OR3A1: variants seen among roughly 807,000 people sequenced by gnomAD.
OR3A1 encodes olfactory receptor 3A1.
For missense variants in OR3A1, 402 were observed against 393.8 expected (o/e 1.02, Z -0.18); for synonymous variants, 145 against 160.0 (o/e 0.91, Z 0.71).
intron 1 of OR3A1, among the ~76,000 whole-genome samples, chr17:3,293,675 A>G (rs1435386991): frequency 6.6e-6 from 1 of 152,186 alleles, no homozygotes; most frequent in South Asian, 2.1e-4. Flanking sequence ...ACATATGAAA[A>G]CTGTTACCTG....
Position 3,291,945 on chromosome 17 carries a change from G to A in OR3A1, c.638C>T (p.Pro213Leu). 6.2e-6 allele frequency: 10 copies of A among 1,614,204 alleles called. No individual in the cohort carries two copies. Among genetic ancestry groups the A allele is most frequent in the East Asian group, 2.2e-5 (1 of 44,888 alleles). ...FAVGFIMAGTPMALIVISYIH... is the reference protein window; with the variant it reads ...FAVGFIMAGTLMALIVISYIH... The stretch of plus-strand genomic sequence containing the variant: ...ATAGGAGATGACAATGAGAGCCATG[G>A]GGGTACCTGCCATTATAAAACCCAC... Residue 213 changes from proline (P) to leucine (L), a missense_variant, in exon 2 of 2, where the codon CCC becomes CTC. By Grantham distance (98) the Pro-to-Leu change is moderately conservative. Coordinates refer to ENST00000323404, the MANE Select transcript of OR3A1 (RefSeq NM_002550.3).
rs1205405808 is a variant in OR3A1 at position 3,298,321 on chromosome 17, G to A, written c.-45C>T. On this transcript the variant is annotated 5_prime_UTR_variant, in exon 1 of 2. Coordinates refer to ENST00000323404, the MANE Select transcript of OR3A1 (RefSeq NM_002550.3). Reference sequence around the variant, plus strand: ...CTCAGGCATCCAGCTTGAGGCTCAGGCTGCCCTTATTGAGTGATCCTGGAT... The same window carrying A: ...CTCAGGCATCCAGCTTGAGGCTCAGACTGCCCTTATTGAGTGATCCTGGAT... The A allele has an allele frequency of 6.6e-6, 1 of 152,162 alleles. No homozygotes were observed. The highest frequency in any genetic ancestry group is 1.5e-5 in the Non-Finnish European group (1 of 68,056). 9.4% of individuals were successfully genotyped at this position (152,162 alleles called of 1,614,324 possible). A position where few individuals can be genotyped will look rare whatever the true frequency, so the allele number is the denominator to read the frequency against.
intron 1 of OR3A1, among the ~76,000 whole-genome samples, chr17:3,297,338 C>T (rs1384554088): frequency 1.3e-5 from 2 of 152,094 alleles, no homozygotes; most frequent in East Asian, 1.9e-4. Flanking sequence ...ATTAAACTAC[C>T]TCTCATTTGC....
At chr17:3,297,085 T>C (rs9892057) in intron 1 of OR3A1, among the ~76,000 whole-genome samples, 2,135 of 152,268 alleles carry the variant, frequency 0.014, 34 homozygotes, top group African/African-American at 0.048. Context: ...GCAGCAGTTA[T>C]GGACACCAGG....
intron 1 of OR3A1, among the ~76,000 whole-genome samples, chr17:3,293,145 A>G (rs1206235697): frequency 7.8e-6 from 1 of 128,502 alleles, no homozygotes; most frequent in Non-Finnish European, 1.7e-5. Flanking sequence ...AAATGAGTAT[A>G]ATTCTCTTAA....
At position 3,292,413 on chromosome 17, in the gene OR3A1, T is replaced by C; in HGVS notation, c.170A>G (p.Lys57Arg). ...SILAAVLVEP[K>R]LHTPMYFFLG... ...GAAGAAGTACATGGGGGTGTGGAGT[T>C]TGGGCTCCACCAAGACAGCTGCCAG... The change falls in exon 2 of 2, where the codon AAA becomes AGA. Residue 57 changes from lysine to arginine, a missense_variant. Transcript: ENST00000323404. 1 of 1,613,656 alleles carries C rather than the reference T, an allele frequency of 6.2e-7. No homozygotes were observed. Among genetic ancestry groups the C allele is most frequent in the Non-Finnish European group, 8.5e-7 (1 of 1,179,902 alleles).
rs775821162 is a variant in OR3A1 at position 3,291,695 on chromosome 17, T to G, written c.888A>C (p.Arg296Ser). ...PMLNPIIYSF[R>S]NPDVQSAIWR... Reference sequence around the variant, plus strand: ...AGATGGCACTCTGCACATCAGGGTTTCTGAAGCTGTAGATGATTGGGTTCA... The same window carrying G: ...AGATGGCACTCTGCACATCAGGGTTGCTGAAGCTGTAGATGATTGGGTTCA... The change falls in exon 2 of 2, where the codon AGA becomes AGC. Residue 296 changes from arginine to serine, a missense_variant. By Grantham distance (110) the Arg-to-Ser change is moderately radical. Transcript: ENST00000323404. 1.2e-6 allele frequency: 2 copies of G among 1,611,448 alleles called. No homozygotes were observed. The highest frequency in any genetic ancestry group is 2.2e-5 in the South Asian group (2 of 91,030).
chr17:3,297,653 G>A (rs918274822), intron 1 of OR3A1, among the ~76,000 whole-genome samples: 1 of 149,100 alleles, frequency 6.7e-6, no homozygotes, highest in Non-Finnish European at 1.5e-5. Context: ...ATTGTGGCTT[G>A]CCAACAGATT....
At chr17:3,293,229 T>C (rs1295395620) in intron 1 of OR3A1, among the ~76,000 whole-genome samples, 1 of 151,548 alleles carries the variant, frequency 6.6e-6, no homozygotes, top group African/African-American at 2.4e-5. Context: ...CAATAATGGG[T>C]ATATGGTGTA....
chr17:3,296,047 T>C (rs1232422108), intron 1 of OR3A1, among the ~76,000 whole-genome samples: 1 of 152,132 alleles, frequency 6.6e-6, no homozygotes, highest in Non-Finnish European at 1.5e-5. Context: ...GTAGAACCAA[T>C]TGACATTGTA....
In OR3A1 at chr17:3,292,355, G is replaced by A; in HGVS notation, c.228C>T (p.Cys76=). ...LGNLSVLDVG[C]ISVTVPSMLS... The stretch of plus-strand genomic sequence containing the variant: ...ACATTGATGGAACAGTGACGCTGAT[G>A]CACCCAACATCCAGCACTGATAGGT... Residue 76 remains cysteine, a synonymous_variant, in exon 2 of 2, where the codon TGC becomes TGT. Transcript: ENST00000323404. 6.2e-7 allele frequency: 1 copy of A among 1,614,136 alleles called. No homozygotes were observed. Among genetic ancestry groups the A allele is most frequent in the South Asian group, 1.1e-5 (1 of 91,076 alleles).
intron 1 of OR3A1, among the ~76,000 whole-genome samples, chr17:3,297,099 A>G (rs1407068550): frequency 1.3e-5 from 2 of 152,200 alleles, no homozygotes; most frequent in East Asian, 3.8e-4. Flanking sequence ...CACCAGGCAG[A>G]GCTGGTGGAA....
Position 3,291,769 on chromosome 17 carries a change from C to T in OR3A1, c.814G>A (p.Asp272Asn). The change falls in exon 2 of 2, where the codon GAC becomes AAC. Residue 272 changes from aspartate to asparagine, a missense_variant. Physicochemically the swap from Asp to Asn is conservative, Grantham distance 23 (BLOSUM62 1). Coordinates refer to ENST00000323404, the MANE Select transcript of OR3A1 (RefSeq NM_002550.3). ...AAAATTCCAACAGCTTTATCCTTGT[C>T]TGAAAGCTTGGTTGAACCCAGTCGC... ...YMRLGSTKLSDKDKAVGIFNT... is the reference protein window; with the variant it reads ...YMRLGSTKLSNKDKAVGIFNT... 1 of 1,613,792 alleles carries T rather than the reference C, an allele frequency of 6.2e-7. No homozygotes were observed. The highest frequency in any genetic ancestry group is 8.5e-7 in the Non-Finnish European group (1 of 1,179,654).
At chr17:3,293,926 C>G (rs143759240) in intron 1 of OR3A1, among the ~76,000 whole-genome samples, 2,112 of 152,128 alleles carry the variant, frequency 0.014, 31 homozygotes, top group African/African-American at 0.047. Flanking sequence ...TGTACACAGA[C>G]AGGGAAACAA....
In OR3A1 at chr17:3,292,343, A is replaced by G; in HGVS notation, c.240T>C (p.Thr80=). 2 of 1,614,168 alleles carry G rather than the reference A, an allele frequency of 1.2e-6. No individual in the cohort carries two copies. Among genetic ancestry groups the G allele is most frequent in the Non-Finnish European group, 1.7e-6 (2 of 1,180,022 alleles). ...SVLDVGCISV[T]VPSMLSRLLS... Reference sequence around the variant, plus strand: ...GGAGACGACTCAACATTGATGGAACAGTGACGCTGATGCACCCAACATCCA... The same window carrying G: ...GGAGACGACTCAACATTGATGGAACGGTGACGCTGATGCACCCAACATCCA... Residue 80 remains threonine (T), a synonymous_variant, in exon 2 of 2, where the codon ACT becomes ACC. Coordinates refer to ENST00000323404, the MANE Select transcript of OR3A1 (RefSeq NM_002550.3).
At position 3,291,372 on chromosome 17, in the gene OR3A1, G is replaced by C. The variant is rs528856443; in HGVS notation, c.*263C>G. 77 of 362,106 alleles carry C rather than the reference G, an allele frequency of 2.1e-4. No individual in the cohort carries two copies. The East Asian group carries it at 3.2e-3, about 15-fold the overall frequency. The allele number at this position is 362,106 out of a possible 1,614,324, so 22.4% of individuals were successfully genotyped here. The stretch of plus-strand genomic sequence containing the variant: ...ACCTGTCAGCACTCACAGCTTCCTA[G>C]GTTTCACCTCTAGCCAGAAAGGAGA... On this transcript the variant is annotated 3_prime_UTR_variant, in exon 2 of 2. Coordinates refer to ENST00000323404, the MANE Select transcript of OR3A1 (RefSeq NM_002550.3).
intron 1 of OR3A1, among the ~76,000 whole-genome samples, chr17:3,293,768 A>T (rs2150622972): frequency 6.6e-6 from 1 of 152,336 alleles, no homozygotes; most frequent in South Asian, 2.1e-4. Flanking sequence ...ACGGAATACT[A>T]TGCAGCCATG....
chr17:3,292,111 T>C lies in OR3A1; in HGVS notation c.472A>G (p.Asn158Asp), dbSNP rs1335969904. The change falls in exon 2 of 2, where the codon AAC (asparagine) becomes GAC (aspartate). Residue 158 changes from asparagine to aspartate, a missense_variant. Coordinates refer to ENST00000323404, the MANE Select transcript of OR3A1 (RefSeq NM_002550.3). ...VAASWACAFT[N>D]ALTHTVAMST... is the part of the protein sequence containing the mutation. ...ATGGCCACAGTGTGGGTCAGTGCGT[T>C]GGTGAAAGCACAAGCCCAGGACGCA... The C allele has an allele frequency of 6.2e-7, 1 of 1,614,054 alleles. No individual in the cohort carries two copies. The highest frequency in any genetic ancestry group is 8.5e-7 in the Non-Finnish European group (1 of 1,180,012).
chr17:3,292,374 G>T lies in OR3A1; in HGVS notation c.209C>A (p.Ser70Ter), dbSNP rs2048883064. 6.2e-7 allele frequency: 1 copy of T among 1,614,150 alleles called. No homozygotes were observed. The highest frequency in any genetic ancestry group is 2.2e-5 in the East Asian group (1 of 44,876). The change falls in exon 2 of 2, where the codon TCA (serine) becomes TAA (stop). Residue 70 changes from serine (S) to a stop codon, truncating the protein, a stop_gained. Coordinates refer to ENST00000323404, the MANE Select transcript of OR3A1 (RefSeq NM_002550.3). LOFTEE classifies it low-confidence loss of function (END_TRUNC). ...TPMYFFLGNL[S>*]VLDVGCISVT... The stretch of plus-strand genomic sequence containing the variant: ...GCTGATGCACCCAACATCCAGCACT[G>T]ATAGGTTCCCCAGGAAGAAGTACAT...
Sources: allele counts gnomAD v4.1 joint callset (sites outside exome capture counted in the v4.1 genomes callset), GRCh38; gene constraint gnomAD v4.1.1; transcripts MANE v1.5; gene names NCBI Gene and HGNC (gene_info 2026-07-23, HGNC 2026-07-21).